Variants in PIK3C2A observed in about 807,000 individuals in gnomAD.
The protein encoded by PIK3C2A is phosphatidylinositol-4-phosphate 3-kinase catalytic subunit type 2 alpha.
PIK3C2A carries 97 observed loss-of-function variants against 204.5 expected under a neutral mutation model. That is an observed-to-expected ratio of 0.47 (90% confidence interval 0.40 to 0.56). The LOEUF (loss-of-function observed/expected upper bound fraction) is 0.56. PIK3C2A is among the 20% of genes least tolerant of loss of function. The pLI is 0.00. For missense variants in PIK3C2A, 1,735 were observed against 1,969.2 expected, an observed-to-expected ratio of 0.88 and a Z score of 2.25; for synonymous variants, 653 against 664.4, an observed-to-expected ratio of 0.98 and a Z score of 0.26.
intron 8 of PIK3C2A, chr11:17,138,309 A>T: frequency 1.8e-6 from 1 of 559,798 alleles, no homozygotes; most frequent in Non-Finnish European, 3.2e-6. Context: ...CCGGAAGACG[A>T]AAAACAGCCA....
chr11:17,166,220 T>C (rs982608424), intron 2 of PIK3C2A, among the ~76,000 whole-genome samples: 1 of 152,228 alleles, frequency 6.6e-6, no homozygotes, highest in Admixed American at 6.5e-5. Context: ...CTTGTGAGCT[T>C]TCTGTCTCAG....
Position 17,169,747 on chromosome 11 carries a change from C to T in PIK3C2A, c.-6G>A. The T allele has an allele frequency of 6.4e-7, 1 of 1,567,036 alleles. No homozygotes were observed. Among genetic ancestry groups the T allele is most frequent in the Non-Finnish European group, 8.6e-7 (1 of 1,164,030 alleles). On this transcript the variant is annotated 5_prime_UTR_variant, in exon 2 of 33. The change creates a new upstream start codon in the 5' untranslated region. Coordinates refer to ENST00000691414, the MANE Select transcript of PIK3C2A (RefSeq NM_002645.4). ...TTGCTAGATATCTGAGCCATGTCCA[C>T]TAAAAAGACCAAACCTTCCTTCCTC...
intron 1 of PIK3C2A, among the ~76,000 whole-genome samples, chr11:17,198,239 A>G (rs1041971974): frequency 2.0e-5 from 3 of 151,700 alleles, no homozygotes; most frequent in African/African-American, 7.3e-5. Context: ...CCTCCCAAGT[A>G]GCCAGGATTA....
At chr11:17,118,573 G>T in intron 18 of PIK3C2A, 72 bp downstream of exon 18, 1 of 730,736 alleles carries the variant, frequency 1.4e-6, no homozygotes, top group Non-Finnish European at 2.4e-6. Flanking sequence ...ATACCATTTA[G>T]ACTTACAGGG....
In PIK3C2A at chr11:17,144,956, T is replaced by G. The variant is rs371968137; in HGVS notation, c.1704+712A>C. Among the ~76,000 whole-genome samples the G allele has an allele frequency of 1.2e-3, 184 of 151,648 alleles. No individual in the cohort carries two copies. In the Middle Eastern group the frequency reaches 0.024, roughly 20 times the overall value. On this transcript the variant is annotated intron_variant, in intron 8 of 32. Coordinates refer to ENST00000691414, the MANE Select transcript of PIK3C2A (RefSeq NM_002645.4). ...GCTTTAATGACTGCCCTATTGGATT[T>G]TGGACTTGCATGGGGCCTGTAGCCC...
At chr11:17,132,115 C>A in intron 11 of PIK3C2A, 77 bp from the exon 12 acceptor site, 1 of 842,244 alleles carries the variant, frequency 1.2e-6, no homozygotes, top group South Asian at 1.8e-5. Context: ...ATTAGCAGTT[C>A]TTCCTCCAAA....
At chr11:17,167,003 C>T (rs1850979378) in intron 2 of PIK3C2A, among the ~76,000 whole-genome samples, 2 of 152,164 alleles carry the variant, frequency 1.3e-5, no homozygotes, top group South Asian at 2.1e-4. Flanking sequence ...TAGAGTCTTG[C>T]TCTGTCGCCC....
chr11:17,166,969 C>G (rs214938), intron 2 of PIK3C2A, among the ~76,000 whole-genome samples: 1 of 151,998 alleles, frequency 6.6e-6, no homozygotes, highest in South Asian at 2.1e-4. Context: ...TGCCTTCCCC[C>G]CAACTGCCCC....
At chr11:17,186,619 C>T (rs1286019078) in intron 1 of PIK3C2A, among the ~76,000 whole-genome samples, 13 of 152,100 alleles carry the variant, frequency 8.5e-5, no homozygotes, top group Admixed American at 7.9e-4. Flanking sequence ...CTTAAATGTG[C>T]CAAATAATAT....
At chr11:17,132,490 C>A (rs1044850199) in intron 11 of PIK3C2A, among the ~76,000 whole-genome samples, 2 of 150,904 alleles carry the variant, frequency 1.3e-5, no homozygotes, top group Non-Finnish European at 3.0e-5. Context: ...CCACCGCGCC[C>A]GGCTAATTTT....
intron 8 of PIK3C2A, among the ~76,000 whole-genome samples, chr11:17,141,707 C>A (rs1202189411): frequency 6.6e-6 from 1 of 152,168 alleles, no homozygotes; most frequent in East Asian, 1.9e-4. Context: ...CATTTAGTGA[C>A]TTATTTTCAA....
intron 26 of PIK3C2A, among the ~76,000 whole-genome samples, chr11:17,099,122 C>T (rs996796747): frequency 2.0e-5 from 3 of 152,100 alleles, no homozygotes; most frequent in African/African-American, 7.2e-5. Context: ...CTTGAACTCC[C>T]AACCTCAGGT....
chr11:17,150,871 A>G (rs191460532), intron 3 of PIK3C2A, among the ~76,000 whole-genome samples: 2 of 152,296 alleles, frequency 1.3e-5, no homozygotes, highest in African/African-American at 4.8e-5. Context: ...GAGATGAACT[A>G]CTGCCAGGAT....
intron 8 of PIK3C2A, chr11:17,138,160 G>A (rs773949513): frequency 3.8e-5 from 31 of 826,370 alleles, no homozygotes; most frequent in Non-Finnish European, 6.1e-5. Flanking sequence ...CTCACAGCAC[G>A]AACCCCTCAA....
chr11:17,193,884 A>AGGGGAGGGG (rs1852038620), intron 1 of PIK3C2A: 1 of 144,066 alleles, frequency 6.9e-6, no homozygotes, highest in Non-Finnish European at 1.2e-5. Context: ...AAAGAAAAGA[A>AGGGGAGGGG]AAGAAAAGAA....
chr11:17,108,520 G>A (rs1848902299), intron 22 of PIK3C2A, among the ~76,000 whole-genome samples: 1 of 151,040 alleles, frequency 6.6e-6, no homozygotes, highest in Admixed American at 6.6e-5. Flanking sequence ...GGAGGCTGAG[G>A]CAAGTGGATT....
intron 2 of PIK3C2A, among the ~76,000 whole-genome samples, chr11:17,165,143 G>A (rs1850904247): frequency 6.6e-6 from 1 of 152,120 alleles, no homozygotes; most frequent in African/African-American, 2.4e-5. Flanking sequence ...AAAAGAAACT[G>A]TTCCCAGGGT....
chr11:17,094,217 T>G, intron 28 of PIK3C2A, 44 bp downstream of exon 28: 1 of 1,476,138 alleles, frequency 6.8e-7, no homozygotes, highest in Non-Finnish European at 9.3e-7. Context: ...TGATAACAAG[T>G]TGTTTCCTAC....
chr11:17,163,908 T>TA (rs35154954), intron 2 of PIK3C2A, among the ~76,000 whole-genome samples: 78,779 of 142,498 alleles, frequency 0.55, 21,414 homozygotes, highest in African/African-American at 0.61. Context: ...TACAAAACCT[T>TA]AAAAAAAAAA....
Sources: allele counts gnomAD v4.1 joint callset (sites outside exome capture counted in the v4.1 genomes callset), GRCh38; gene constraint gnomAD v4.1.1; transcripts MANE v1.5; gene names NCBI Gene and HGNC (gene_info 2026-07-23, HGNC 2026-07-21).